The following SLC2A3 variants were observed in gnomAD, a reference collection of about 807,000 sequenced individuals.
SLC2A3 encodes solute carrier family 2, facilitated glucose transporter member 3.
A neutral mutation model predicts 46.4 loss-of-function variants in SLC2A3; 21 were observed. The observed-to-expected ratio is 0.45, with a 90% confidence interval of 0.32 to 0.65. SLC2A3 has a LOEUF of 0.65. Among genes scored for constraint, SLC2A3 ranks in the 30% least tolerant of loss-of-function variants. The pLI is 0.04. For synonymous variants in SLC2A3, 213 were observed against 239.4 expected (o/e 0.89, Z 1.02); for missense variants, 499 against 623.3 (o/e 0.80, Z 2.12).
At position 7,931,317 on chromosome 12, in the gene SLC2A3, C is replaced by G; in HGVS notation, c.438G>C (p.Ser146=). ...CAAAGGCACCCCGCAGGGCAGTAGG[C>G]GAGATCTCTCCAATGTACATGGGCA... is the stretch of plus-strand genomic sequence containing the variant. ...GFVPMYIGEI[S]PTALRGAFGT... The change falls in exon 4 of 10, where the codon TCG becomes TCC. Residue 146 remains serine, a synonymous_variant. Transcript: ENST00000075120. 6.2e-7 allele frequency: 1 copy of G among 1,614,144 alleles called. No homozygotes were observed. The highest frequency in any genetic ancestry group is 8.5e-7 in the Non-Finnish European group (1 of 1,180,018).
In SLC2A3 at chr12:7,931,437, G is replaced by A. The variant is rs745443054; in HGVS notation, c.318C>T (p.Cys106=). 1.9e-6 allele frequency: 3 copies of A among 1,614,060 alleles called. No homozygotes were observed. The highest frequency in any genetic ancestry group is 3.3e-5 in the Admixed American group (2 of 59,992). The stretch of plus-strand genomic sequence containing the variant: ...TAGCTACTTTACACAGTCCCATAAA[G>A]CAGCCACCAGTGACAGCCAACAGGT... ...IVNLLAVTGG[C]FMGLCKVAKS... is the part of the protein sequence containing the mutation. The change falls in exon 4 of 10, where the codon TGC becomes TGT. Residue 106 remains cysteine, a synonymous_variant. Transcript: ENST00000075120.
Position 7,932,930 on chromosome 12 carries a change from A to C in SLC2A3, c.269+57T>G, listed in dbSNP as rs1437164466. ...TCACCTCCCTGCCCTAACTCTCCAC[A>C]CTTGTCCTCAATGTGGCTGGTAGAG... On this transcript the variant is annotated intron_variant, in intron 3 of 9. Coordinates refer to ENST00000075120, the MANE Select transcript of SLC2A3 (RefSeq NM_006931.3). 4 of 1,604,540 alleles carry C rather than the reference A, an allele frequency of 2.5e-6. No homozygotes were observed. The Admixed American group carries it at 5.1e-5, about 20-fold the overall frequency.
intron 2 of SLC2A3, 73 bp downstream of exon 2, chr12:7,933,737 T>G (rs1946183846): frequency 3.9e-6 from 6 of 1,519,700 alleles, no homozygotes; most frequent in Non-Finnish European, 4.5e-6. Context: ...CCTTAAATTC[T>G]GAATTCCTGA....
intron 6 of SLC2A3, among the ~76,000 whole-genome samples, chr12:7,928,407 A>G (rs544581254): frequency 3.3e-4 from 50 of 151,922 alleles, no homozygotes; most frequent in African/African-American, 7.5e-4. Flanking sequence ...CAAAAAAAAA[A>G]AGAATGTACA....
At chr12:7,924,071 G>T (rs1259706292) in intron 8 of SLC2A3, among the ~76,000 whole-genome samples, 1 of 152,030 alleles carries the variant, frequency 6.6e-6, no homozygotes, top group East Asian at 1.9e-4. Flanking sequence ...CCCAGCTGAG[G>T]ATTGAATTTT....
intron 4 of SLC2A3, 95 bp from the exon 5 acceptor site, chr12:7,930,737 T>C (rs1468582281): frequency 3.8e-6 from 5 of 1,324,188 alleles, no homozygotes; most frequent in Middle Eastern, 2.0e-4. Context: ...TACATTCTTT[T>C]ACCATGTGAA....
intron 6 of SLC2A3, chr12:7,929,450 G>T (rs911072551): frequency 3.4e-6 from 2 of 592,466 alleles, no homozygotes; most frequent in South Asian, 5.8e-5. Flanking sequence ...GTCCTTCCAG[G>T]GTCTTTTTTT....
rs747084788 is a variant in SLC2A3 at position 7,934,449 on chromosome 12, C to A, written c.16-547G>T. Among the ~76,000 whole-genome samples, 48 of 152,008 alleles carry A rather than the reference C, an allele frequency of 3.2e-4. 2 individuals carry two copies. Among genetic ancestry groups the A allele is most frequent in the Non-Finnish European group, 3.1e-4 (21 of 67,998 alleles). On this transcript the variant is annotated intron_variant, in intron 1 of 9. Coordinates refer to ENST00000075120, the MANE Select transcript of SLC2A3 (RefSeq NM_006931.3). ...GGATCTACTCACTGCATCCTGGCCC[C>A]ATTTCAGTCTTCGTTTATTAAATAC...
intron 1 of SLC2A3, among the ~76,000 whole-genome samples, chr12:7,934,863 T>C (rs1325076991): frequency 1.3e-5 from 2 of 152,210 alleles, no homozygotes; most frequent in East Asian, 1.9e-4. Context: ...GCCCTGCCAG[T>C]GCAATGCTCT....
chr12:7,922,986 A>C lies in SLC2A3; in HGVS notation c.1107T>G (p.Ala369=). 1 of 1,614,076 alleles carries C rather than the reference A, an allele frequency of 6.2e-7. No individual in the cohort carries two copies. Among genetic ancestry groups the C allele is most frequent in the Non-Finnish European group, 8.5e-7 (1 of 1,179,984 alleles). The change falls in exon 9 of 10, where the codon GCT becomes GCG. Residue 369 remains alanine (A), a synonymous_variant. Coordinates refer to ENST00000075120, the MANE Select transcript of SLC2A3 (RefSeq NM_006931.3). ...CAAAGAAGGCTACAAAGACCAAGATAGCCCCAATACAGACAAAGCTCATCC... is the reference window on the plus strand; with the variant it reads ...CAAAGAAGGCTACAAAGACCAAGATCGCCCCAATACAGACAAAGCTCATCC... ...YNGMSFVCIG[A]ILVFVAFFEI...
chr12:7,930,417 C>A (rs1946139483), intron 5 of SLC2A3, 63 bp downstream of exon 5: 2 of 1,496,168 alleles, frequency 1.3e-6, no homozygotes. Context: ...AGGTCCAGTA[C>A]AATCATCCCT....
At position 7,921,486 on chromosome 12, in the gene SLC2A3, T is replaced by C. The variant is rs765546776; in HGVS notation, c.1418A>G (p.Asp473Gly). 1.2e-6 allele frequency: 2 copies of C among 1,613,958 alleles called. No individual in the cohort carries two copies. Among genetic ancestry groups the C allele is most frequent in the South Asian group, 1.1e-5 (1 of 91,076 alleles). The change falls in exon 10 of 10, where the codon GAT (aspartate) becomes GGT (glycine). Residue 473 changes from aspartate to glycine, a missense_variant. Asp to Gly is a moderately conservative substitution (Grantham distance 94, BLOSUM62 -1). Around this residue, in one of 5 missense-constraint regions of SLC2A3, gnomAD observed 179 missense variants for 205.1 expected, o/e 0.87. Transcript: ENST00000075120. Reference sequence around the variant, plus strand: ...CATGACGCCGTCCTTTCCAGATCTATCTGCACCGTGTGCCTGCCCTTCAAA... The same window carrying C: ...CATGACGCCGTCCTTTCCAGATCTACCTGCACCGTGTGCCTGCCCTTCAAA... The part of the protein sequence containing the change: ...RAFEGQAHGA[D>G]RSGKDGVMEM...
intron 7 of SLC2A3, chr12:7,925,418 T>G (rs1266677151): frequency 6.4e-6 from 1 of 157,168 alleles, no homozygotes; most frequent in Non-Finnish European, 1.4e-5. Flanking sequence ...TATCTCCAGG[T>G]AGACAGTGTC....
At position 7,936,186 on chromosome 12, in the gene SLC2A3, C is replaced by G. The variant is rs753144293; in HGVS notation, c.-152G>C. ...CCAAAGTCTTACCATTACAGCATCT[C>G]TGGGTCTCGCTGGGATCATGACTAT... On this transcript the variant is annotated 5_prime_UTR_variant, in exon 1 of 10. Transcript: ENST00000075120. 7.1e-6 allele frequency: 5 copies of G among 704,046 alleles called. No homozygotes were observed. In the East Asian group the frequency reaches 1.3e-4, roughly 18 times the overall value. 43.6% of individuals were successfully genotyped at this position (704,046 alleles called of 1,614,324 possible). A position where few individuals can be genotyped will look rare whatever the true frequency, so the allele number is the denominator to read the frequency against.
At position 7,921,350 on chromosome 12, in the gene SLC2A3, C is replaced by G; in HGVS notation, c.*63G>C. The G allele has an allele frequency of 6.2e-7, 1 of 1,612,266 alleles. No individual in the cohort carries two copies. The highest frequency in any genetic ancestry group is 8.5e-7 in the Non-Finnish European group (1 of 1,178,840). ...CGTCCTGGGTTCATCCTGATGAGGT[C>G]TCTCCCTTGTTGAGGGAGAGGTGGC... On this transcript the variant is annotated 3_prime_UTR_variant, in exon 10 of 10. Coordinates refer to ENST00000075120, the MANE Select transcript of SLC2A3 (RefSeq NM_006931.3).
In SLC2A3 at chr12:7,920,062, A is replaced by G. The variant is rs1014702875; in HGVS notation, c.*1351T>C. The G allele has an allele frequency of 6.6e-6, 1 of 152,368 alleles. No homozygotes were observed. The highest frequency in any genetic ancestry group is 6.6e-5 in the Admixed American group (1 of 15,266). The allele number at this position is 152,368 out of a possible 1,614,324, so 9.4% of individuals were successfully genotyped here. A position where few individuals can be genotyped will look rare whatever the true frequency, so the allele number is the denominator to read the frequency against. ...CATAGGACCACAGTGACATGGTAAC[A>G]GACATACGCAAGCGTGCCGTGAGCC... On this transcript the variant is annotated 3_prime_UTR_variant, in exon 10 of 10. Coordinates refer to ENST00000075120, the MANE Select transcript of SLC2A3 (RefSeq NM_006931.3).
intron 9 of SLC2A3, among the ~76,000 whole-genome samples, chr12:7,922,371 TAAAC>T (rs1946046255): frequency 6.6e-6 from 1 of 152,102 alleles, no homozygotes; most frequent in African/African-American, 2.4e-5. Context: ...GGCCGCAAAT[TAAAC>T]TTTATGAATT....
intron 3 of SLC2A3, among the ~76,000 whole-genome samples, chr12:7,931,724 T>C (rs1200501075): frequency 1.3e-5 from 2 of 151,936 alleles, no homozygotes; most frequent in East Asian, 3.9e-4. Flanking sequence ...TGTAGTGAGC[T>C]ATGATTGGGC....
chr12:7,933,604 G>T, intron 2 of SLC2A3: 1 of 557,080 alleles, frequency 1.8e-6, no homozygotes, highest in Non-Finnish European at 3.2e-6. Context: ...AAATCCCCTA[G>T]TTTGGGGAGG....
Sources: allele counts gnomAD v4.1 joint callset (sites outside exome capture counted in the v4.1 genomes callset), GRCh38; gene constraint gnomAD v4.1.1; regional missense constraint gnomAD v4.1.1; transcripts MANE v1.5; gene names NCBI Gene and HGNC (gene_info 2026-07-23, HGNC 2026-07-21).